NAA16: variants seen among roughly 807,000 people sequenced by gnomAD.
NAA16 encodes N-alpha-acetyltransferase 16, NatA auxiliary subunit, also known as NARG1-like protein.
Under a neutral mutation model 110.3 loss-of-function variants are expected in NAA16, and 97 were observed. The ratio of observed to expected loss-of-function variants is 0.88; its 90% confidence interval spans 0.75 to 1.04. The LOEUF (loss-of-function observed/expected upper bound fraction) is 1.04, where lower values mean the gene tolerates loss of function less well. Ranked by LOEUF, NAA16 falls within the 50% of genes least tolerant of loss-of-function variation. The pLI, the probability that NAA16 is intolerant of heterozygous loss-of-function variation, is 0.00. For synonymous variants in NAA16, 372 were observed against 330.6 expected (o/e 1.13, Z -1.36); for missense variants, 1,017 against 1,005.1 (o/e 1.01, Z -0.16).
chr13:41,336,167 AAAAATTTTTTTTTTTT>A (rs1319487916), intron 8 of NAA16, among the ~76,000 whole-genome samples: 1 of 152,144 alleles, frequency 6.6e-6, no homozygotes, highest in Non-Finnish European at 1.5e-5. Flanking sequence ...CTATTTAAAA[AAAAATTTTTTTTTTTT>A]AAATTTTAAT....
rs1593517050 is a variant in NAA16 at position 41,361,975 on chromosome 13, T to C, written c.1411-56T>C. Reference sequence around the variant, plus strand: ...AGCCCTAGTTGTAAAGAGGAAATGATTTTTAGGATCTCTTTCATTGTTTGC... The same window carrying C: ...AGCCCTAGTTGTAAAGAGGAAATGACTTTTAGGATCTCTTTCATTGTTTGC... On this transcript the variant is annotated intron_variant, in intron 12 of 19. Transcript: ENST00000379406. 7.0e-6 allele frequency: 11 copies of C among 1,582,578 alleles called. No homozygotes were observed. In the East Asian group the frequency reaches 1.4e-4, roughly 20 times the overall value.
In NAA16 at chr13:41,331,871, C is replaced by T. The variant is rs367631214; in HGVS notation, c.907+502C>T. Among the ~76,000 whole-genome samples the T allele has an allele frequency of 3.9e-5, 6 of 152,212 alleles. No individual in the cohort carries two copies. In the South Asian group the frequency reaches 1.0e-3, roughly 26 times the overall value. On this transcript the variant is annotated intron_variant, in intron 8 of 19. Transcript: ENST00000379406. ...TAAATACCCTGACTTGATCGTTACA[C>T]GTTCTCTGTATGTAACAAAATATCA...
chr13:41,311,665 G>C, intron 1 of NAA16, 83 bp downstream of exon 1: 1 of 1,339,926 alleles, frequency 7.5e-7, no homozygotes, highest in South Asian at 1.3e-5. Flanking sequence ...GGCGGCCGGC[G>C]CGGGCCAGGC....
In NAA16 at chr13:41,320,725, ATG is replaced by A; in HGVS notation, c.305_306del (p.Cys102LeufsTer9). 6.2e-7 allele frequency: 1 copy of A among 1,613,306 alleles called. No individual in the cohort carries two copies. Among genetic ancestry groups the A allele is most frequent in the Non-Finnish European group, 8.5e-7 (1 of 1,179,946 alleles). Reference protein sequence around the residue: ...SDKKYDEAIKCYRNALKLDKD... With the variant: ...SDKKYDEAIKXYRNALKLDKD... Reference sequence around the variant, plus strand: ...ATAAAAAATATGATGAAGCTATAAAATGTTACCGAAATGCCCTCAAATTAGAT... The same window carrying A: ...ATAAAAAATATGATGAAGCTATAAAATTACCGAAATGCCCTCAAATTAGAT... On this transcript the variant is annotated frameshift_variant, in exon 4 of 20. Transcript: ENST00000379406. LOFTEE classifies it high-confidence loss of function.
Position 41,375,618 on chromosome 13 carries a change from A to G in NAA16, c.*16A>G, listed in dbSNP as rs1306700547. On this transcript the variant is annotated 3_prime_UTR_variant, in exon 20 of 20. Coordinates refer to ENST00000379406, the MANE Select transcript of NAA16 (RefSeq NM_024561.5). ...TGAAATTTGAAATCTTCTAGAAAGT[A>G]GACTCCTATAGACTCAAAGCTGAAT... The G allele has an allele frequency of 1.3e-6, 2 of 1,559,984 alleles. No individual in the cohort carries two copies. Among genetic ancestry groups the G allele is most frequent in the African/African-American group, 2.7e-5 (2 of 73,478 alleles).
At chr13:41,317,192 A>C (rs891801803) in intron 2 of NAA16, among the ~76,000 whole-genome samples, 6 of 152,138 alleles carry the variant, frequency 3.9e-5, no homozygotes, top group Admixed American at 3.3e-4. Flanking sequence ...CAGTATTTTT[A>C]TGGACCTGAT....
intron 8 of NAA16, 49 bp from the exon 9 acceptor site, chr13:41,336,601 G>C (rs894782652): frequency 1.8e-6 from 2 of 1,118,298 alleles, no homozygotes; most frequent in African/African-American, 3.2e-5. Context: ...ATCATTTTAA[G>C]AATTGTTTGC....
chr13:41,373,084 AAAT>A (rs60906383), intron 17 of NAA16: 822,191 of 884,208 alleles, frequency 0.93, 382,920 homozygotes, highest in South Asian at 0.98. Context: ...ACGTAAAGCA[AAAT>A]AATAATAATT....
chr13:41,320,203 A>G (rs2041912682), intron 3 of NAA16, among the ~76,000 whole-genome samples: 2 of 152,134 alleles, frequency 1.3e-5, no homozygotes, highest in Non-Finnish European at 2.9e-5. Context: ...ATAGTTACAC[A>G]TTACTTTAGA....
intron 9 of NAA16, among the ~76,000 whole-genome samples, chr13:41,343,346 TC>T (rs2042602170): frequency 6.6e-6 from 1 of 152,158 alleles, no homozygotes; most frequent in African/African-American, 2.4e-5. Context: ...TGCCTTAGAA[TC>T]CCAGTGCACT....
chr13:41,372,426 A>C, intron 16 of NAA16, 115 bp downstream of exon 16: 1 of 1,361,946 alleles, frequency 7.3e-7, no homozygotes, highest in Non-Finnish European at 9.5e-7. Context: ...GCCTTCTACA[A>C]AGGCTCTTTT....
In NAA16 at chr13:41,311,575, G is replaced by A; in HGVS notation, c.47G>A (p.Arg16His). 1 of 1,607,592 alleles carries A rather than the reference G, an allele frequency of 6.2e-7. No homozygotes were observed. Among genetic ancestry groups the A allele is most frequent in the Non-Finnish European group, 8.5e-7 (1 of 1,177,398 alleles). Residue 16 changes from arginine (R) to histidine (H), a missense_variant, in exon 1 of 20, where the codon CGC (arginine) becomes CAC (histidine). Arg to His is a conservative substitution (Grantham distance 29). Transcript: ENST00000379406. ...CCCAAGGAGAGCAACCTCTTCAAACGCATCTTGGTGAGTGGCCGTAGGCCG... is the reference window on the plus strand; with the variant it reads ...CCCAAGGAGAGCAACCTCTTCAAACACATCTTGGTGAGTGGCCGTAGGCCG... Reference protein sequence around the residue: ...LPPKESNLFKRILKCYEQKQY... With the variant: ...LPPKESNLFKHILKCYEQKQY...
At chr13:41,349,519 A>G (rs1478525526) in intron 9 of NAA16, among the ~76,000 whole-genome samples, 1 of 151,290 alleles carries the variant, frequency 6.6e-6, no homozygotes, top group African/African-American at 2.4e-5. Context: ...TGTGTTACAT[A>G]TGTTTGTCTT....
At chr13:41,321,170 C>T (rs930200709) in intron 4 of NAA16, among the ~76,000 whole-genome samples, 9 of 152,234 alleles carry the variant, frequency 5.9e-5, no homozygotes, top group African/African-American at 2.2e-4. Flanking sequence ...TGGTAGTTTA[C>T]ACCTGCAGTC....
chr13:41,316,278 C>T (rs927358721), intron 1 of NAA16, among the ~76,000 whole-genome samples: 6 of 151,246 alleles, frequency 4.0e-5, no homozygotes, highest in Admixed American at 1.3e-4. Flanking sequence ...TACAGGCATG[C>T]GCCACCACGT....
intron 13 of NAA16, among the ~76,000 whole-genome samples, chr13:41,366,253 T>A (rs1315681846): frequency 6.6e-6 from 1 of 152,182 alleles, no homozygotes; most frequent in Non-Finnish European, 1.5e-5. Flanking sequence ...AATTTTTGTC[T>A]TAAAGTCTCA....
At chr13:41,362,952 G>A in intron 13 of NAA16, 1 of 1,096,250 alleles carries the variant, frequency 9.1e-7, no homozygotes, top group Non-Finnish European at 1.1e-6. Context: ...CACAAGGAAG[G>A]CTAAATTTTA....
intron 13 of NAA16, among the ~76,000 whole-genome samples, chr13:41,365,941 T>A (rs1159248700): frequency 6.6e-6 from 1 of 152,230 alleles, no homozygotes; most frequent in Non-Finnish European, 1.5e-5. Context: ...TTCATCTGAT[T>A]ATGTGTTCCA....
chr13:41,369,002 G>T, intron 14 of NAA16, 88 bp from the exon 15 acceptor site: 1 of 1,161,690 alleles, frequency 8.6e-7, no homozygotes, highest in East Asian at 2.5e-5. Flanking sequence ...GATACCAAGG[G>T]ACAACCATAC....
Sources: allele counts gnomAD v4.1 joint callset (sites outside exome capture counted in the v4.1 genomes callset), GRCh38; gene constraint gnomAD v4.1.1; transcripts MANE v1.5; gene names NCBI Gene and HGNC (gene_info 2026-07-23, HGNC 2026-07-21).